NPHP4: variants seen among roughly 807,000 people sequenced by gnomAD.
NPHP4 encodes nephrocystin-4.
Under a neutral mutation model 155.8 loss-of-function variants are expected in NPHP4, and 151 were observed. The observed-to-expected ratio is 0.97, with a 90% confidence interval of 0.85 to 1.11. The LOEUF is 1.11. NPHP4 is among the 50% of genes least tolerant of loss of function. The pLI is 0.00. For synonymous variants in NPHP4, 845 were observed against 816.8 expected (o/e 1.03, Z -0.59); for missense variants, 1,956 against 1,925.7 (o/e 1.02, Z -0.29).
intron 1 of NPHP4, among the ~76,000 whole-genome samples, chr1:5,988,270 C>T (rs1655769039): frequency 6.6e-6 from 1 of 152,152 alleles, no homozygotes; most frequent in South Asian, 2.1e-4. Flanking sequence ...CCACAATGAC[C>T]CAAGAGACTC....
chr1:5,913,600 G>A (rs920011417), intron 11 of NPHP4, among the ~76,000 whole-genome samples: 2 of 152,198 alleles, frequency 1.3e-5, no homozygotes, highest in African/African-American at 4.8e-5. Context: ...CCAACCCCGG[G>A]AGGCCACGCA....
In NPHP4 at chr1:5,866,721, T is replaced by C. The variant is rs1013506562; in HGVS notation, c.3559-263A>G. ...TTCCTAACTGGTCATAACACAATTA[T>C]TGCCTTATCCTTTACATAATGGTAA... is the stretch of plus-strand genomic sequence containing the variant. On this transcript the variant is annotated intron_variant, in intron 25 of 29. Transcript: ENST00000378156. Among the ~76,000 whole-genome samples, 9 of 152,366 alleles carry C rather than the reference T, an allele frequency of 5.9e-5. 1 individual carries two copies. The highest frequency in any genetic ancestry group is 2.6e-4 in the Admixed American group (4 of 15,310).
chr1:5,866,384 G>A lies in NPHP4; in HGVS notation c.3633C>T (p.Val1211=). 10 of 1,605,840 alleles carry A rather than the reference G, an allele frequency of 6.2e-6. No individual in the cohort carries two copies. Among genetic ancestry groups the A allele is most frequent in the Non-Finnish European group, 8.5e-6 (10 of 1,174,586 alleles). The change falls in exon 26 of 30, where the codon GTC becomes GTT. Residue 1211 remains valine, a synonymous_variant. Coordinates refer to ENST00000378156, the MANE Select transcript of NPHP4 (RefSeq NM_015102.5). ...GPSPEIKDFF[V]IIYSDRWLAT... ...GCCTGTGCACTTACGAGTAAATGAT[G>A]ACAAAGAAGTCTTTGATCTCCGGGC...
In NPHP4 at chr1:5,927,716, G is replaced by A. The variant is rs567982783; in HGVS notation, c.1374C>T (p.Pro458=). The change falls in exon 11 of 30, where the codon CCC becomes CCT. Residue 458 remains proline (P), a synonymous_variant. Coordinates refer to ENST00000378156, the MANE Select transcript of NPHP4 (RefSeq NM_015102.5). ...CTTTGGGGCCACTGACAGGCTCCGTGGGTGCATCCAGGTGTTCTTCTGAGC... is the reference window on the plus strand; with the variant it reads ...CTTTGGGGCCACTGACAGGCTCCGTAGGTGCATCCAGGTGTTCTTCTGAGC... ...SLGSEEHLDA[P]TEPVSGPKVE... is the part of the protein sequence containing the mutation. 3 of 1,613,504 alleles carry A rather than the reference G, an allele frequency of 1.9e-6. No homozygotes were observed. Among genetic ancestry groups the A allele is most frequent in the East Asian group, 4.5e-5 (2 of 44,846 alleles).
chr1:5,938,663 T>C (rs1270073652), intron 9 of NPHP4, among the ~76,000 whole-genome samples: 2 of 152,226 alleles, frequency 1.3e-5, no homozygotes, highest in Non-Finnish European at 2.9e-5. Flanking sequence ...CTTTTCCCAT[T>C]TAGAAAAACA....
At position 5,912,540 on chromosome 1, in the gene NPHP4, AAAAAAAAAAAAAAAAG is replaced by A. The variant is rs1201363001; in HGVS notation, c.1442-3343_1442-3328del. ...GCAACACAGTGAGACTCCGTCTCAA[AAAAAAAAAAAAAAAAG>A]AAAAAAGAAAAAAGAAAAATGAAAG... On this transcript the variant is annotated intron_variant, in intron 11 of 29. Transcript: ENST00000378156. Among the ~76,000 whole-genome samples the A allele has an allele frequency of 1.1e-4, 13 of 122,650 alleles. 1 individual carries two copies. The South Asian group carries it at 2.7e-3, about 26-fold the overall frequency. The allele number at this position is 122,650 out of a possible 152,430, so 80.5% of individuals were successfully genotyped here. A position where few individuals can be genotyped will look rare whatever the true frequency, so the allele number is the denominator to read the frequency against.
At chr1:5,984,884 G>C (rs1655234813) in intron 2 of NPHP4, among the ~76,000 whole-genome samples, 1 of 152,256 alleles carries the variant, frequency 6.6e-6, no homozygotes, top group Non-Finnish European at 1.5e-5. Context: ...CCAGGAGGGT[G>C]GCATCCCAGC....
At chr1:5,880,388 T>C in intron 18 of NPHP4, 149 bp from the exon 19 acceptor site, 2 of 756,828 alleles carry the variant, frequency 2.6e-6, no homozygotes, top group East Asian at 5.5e-5. Context: ...TTTGAATGTT[T>C]TGCAATTGAG....
intron 17 of NPHP4, chr1:5,888,258 C>T: frequency 1.2e-6 from 1 of 848,830 alleles, no homozygotes; most frequent in Non-Finnish European, 1.4e-6. Context: ...CGAACGCCAA[C>T]ACTGTGAGGC....
At position 5,890,241 on chromosome 1, in the gene NPHP4, A is replaced by G. The variant is rs1644050687; in HGVS notation, c.2304+627T>C. Reference sequence around the variant, plus strand: ...CCAGCTCCGTCCCGTGGCCTGAGAGAAGTCTCAGGACACCATGGTAGCGTG... The same window carrying G: ...CCAGCTCCGTCCCGTGGCCTGAGAGGAGTCTCAGGACACCATGGTAGCGTG... On this transcript the variant is annotated intron_variant, in intron 17 of 29. Transcript: ENST00000378156. The surrounding 1 kb of genome is among the most constrained non-coding windows in gnomAD (Gnocchi z 4.9). Among the ~76,000 whole-genome samples, 1 of 152,132 alleles carries G rather than the reference A, an allele frequency of 6.6e-6. No individual in the cohort carries two copies. The highest frequency in any genetic ancestry group is 2.4e-5 in the African/African-American group (1 of 41,412).
chr1:5,953,998 G>C (rs547317979), intron 6 of NPHP4, among the ~76,000 whole-genome samples: 2 of 152,328 alleles, frequency 1.3e-5, no homozygotes, highest in African/African-American at 4.8e-5. Context: ...ACTCCATGCT[G>C]ATGAAACTGC....
intron 6 of NPHP4, among the ~76,000 whole-genome samples, chr1:5,955,002 T>A (rs1354969256): frequency 2.0e-5 from 3 of 148,998 alleles, no homozygotes; most frequent in Non-Finnish European, 4.5e-5. Context: ...ATATCCAGAA[T>A]ACATAAGGAA....
intron 21 of NPHP4, 42 bp downstream of exon 21, chr1:5,874,832 C>T: frequency 6.3e-7 from 1 of 1,591,952 alleles, no homozygotes; most frequent in Non-Finnish European, 8.6e-7. Context: ...GCACCCGACA[C>T]AGATCTGGGC....
chr1:5,908,874 C>T (rs2101224534), intron 12 of NPHP4, among the ~76,000 whole-genome samples: 1 of 152,330 alleles, frequency 6.6e-6, no homozygotes, highest in Non-Finnish European at 1.5e-5. Flanking sequence ...AGAGTTGCCA[C>T]CATGAGATGC....
chr1:5,913,956 C>G (rs1172219522), intron 11 of NPHP4, among the ~76,000 whole-genome samples: 1 of 152,080 alleles, frequency 6.6e-6, no homozygotes, highest in Non-Finnish European at 1.5e-5. Context: ...CTCCAGCCAA[C>G]CCCATGGCCG....
chr1:5,896,763 C>T (rs114621873), intron 16 of NPHP4, among the ~76,000 whole-genome samples: 779 of 152,318 alleles, frequency 5.1e-3, no homozygotes, highest in African/African-American at 0.018. Context: ...TTCAGGCAGA[C>T]CAGGCTCCTC....
chr1:5,893,801 A>G (rs1260593579), intron 16 of NPHP4, among the ~76,000 whole-genome samples: 1 of 152,148 alleles, frequency 6.6e-6, no homozygotes, highest in Admixed American at 6.5e-5. Context: ...CTACCGCTAG[A>G]CCATGGTCCG....
Position 5,867,970 on chromosome 1 carries a change from C to T in NPHP4, c.3316-74G>A. The T allele has an allele frequency of 1.3e-6, 2 of 1,498,252 alleles. No individual in the cohort carries two copies. Among genetic ancestry groups the T allele is most frequent in the Non-Finnish European group, 1.9e-6 (2 of 1,076,284 alleles). The allele number at this position is 1,498,252 out of a possible 1,614,324, so 92.8% of individuals were successfully genotyped here. A position where few individuals can be genotyped will look rare whatever the true frequency, so the allele number is the denominator to read the frequency against. On this transcript the variant is annotated intron_variant, in intron 23 of 29. Transcript: ENST00000378156. This position sits in a 1 kb window ranked among gnomAD's most constrained non-coding sequence, Gnocchi z 4.1. ...CAGCTTCTTGTCCCTCCTTAGACAG[C>T]ACACGTATCTCCACTGTTGCCAAGA...
chr1:5,865,082 A>C lies in NPHP4; in HGVS notation c.3816+20T>G. Reference sequence around the variant, plus strand: ...CTGGGGTTGGGGAGAGGCTCAGAACAGCCCCCAGAGAGGCCGTACCTTCAG... The same window carrying C: ...CTGGGGTTGGGGAGAGGCTCAGAACCGCCCCCAGAGAGGCCGTACCTTCAG... On this transcript the variant is annotated intron_variant, in intron 27 of 29. Transcript: ENST00000378156. 1 of 1,611,170 alleles carries C rather than the reference A, an allele frequency of 6.2e-7. No homozygotes were observed. Among genetic ancestry groups the C allele is most frequent in the South Asian group, 1.1e-5 (1 of 90,970 alleles).
Sources: allele counts gnomAD v4.1 joint callset (sites outside exome capture counted in the v4.1 genomes callset), GRCh38; gene constraint gnomAD v4.1.1; non-coding constraint Gnocchi (gnomAD v3.1); transcripts MANE v1.5; gene names NCBI Gene and HGNC (gene_info 2026-07-23, HGNC 2026-07-21).